The following MEIS1 variants were observed in gnomAD, a reference collection of about 807,000 sequenced individuals.
The protein encoded by MEIS1 is Meis homeobox 1, also known as homeobox protein Meis1.
A neutral mutation model predicts 50.8 loss-of-function variants in MEIS1; 5 were observed. That is an observed-to-expected ratio of 0.10 (90% CI 0.05 to 0.21). The LOEUF is 0.21. MEIS1 is among the 10% of genes least tolerant of loss of function. The pLI, the probability that MEIS1 is intolerant of heterozygous loss-of-function variation, is 1.00. For missense variants in MEIS1, 318 were observed against 517.3 expected (o/e 0.61, Z 3.74); for synonymous variants, 176 against 179.3 (o/e 0.98, Z 0.15).
chr2:66,567,324 G>C (rs974846445), intron 9 of MEIS1, 129 bp from the exon 10 acceptor site: 12 of 906,840 alleles, frequency 1.3e-5, no homozygotes, highest in Non-Finnish European at 1.9e-5. Flanking sequence ...TAGAGCAATG[G>C]AGAGAACTGA....
At chr2:66,442,337 C>G (rs1280167173) in intron 5 of MEIS1, among the ~76,000 whole-genome samples, 2 of 148,104 alleles carry the variant, frequency 1.4e-5, no homozygotes, top group African/African-American at 5.0e-5. Context: ...TTTCCCATAT[C>G]AGGAGTACTG....
At chr2:66,541,106 C>A (rs1452897877) in intron 8 of MEIS1, among the ~76,000 whole-genome samples, 1 of 151,722 alleles carries the variant, frequency 6.6e-6, no homozygotes, top group Non-Finnish European at 1.5e-5. Flanking sequence ...GGCGCAATCT[C>A]GGCTCATTGC....
At chr2:66,499,469 G>A (rs2103825714) in intron 7 of MEIS1, among the ~76,000 whole-genome samples, 1 of 152,076 alleles carries the variant, frequency 6.6e-6, no homozygotes, top group East Asian at 1.9e-4. Flanking sequence ...CTCTCAGGCT[G>A]CCCTTCCTGC....
In MEIS1 at chr2:66,491,094, A is replaced by T. The variant is rs905991127; in HGVS notation, c.743-21055A>T. On this transcript the variant is annotated intron_variant, in intron 7 of 12. Coordinates refer to ENST00000272369, the MANE Select transcript of MEIS1 (RefSeq NM_002398.3). ...GGAAGCCAACCAATGGAAAAAAAAA[A>T]GAGAATAAAACAGGCCTAGTCCAAT... Among the ~76,000 whole-genome samples, 3 of 79,110 alleles carry T rather than the reference A, an allele frequency of 3.8e-5. No individual in the cohort carries two copies. In the African/African-American group the frequency reaches 5.1e-4, roughly 13 times the overall value. The allele number at this position is 79,110 out of a possible 152,430, so 51.9% of individuals were successfully genotyped here. A position where few individuals can be genotyped will look rare whatever the true frequency, so the allele number is the denominator to read the frequency against.
intron 9 of MEIS1, among the ~76,000 whole-genome samples, chr2:66,550,044 G>A (rs1248533201): frequency 6.6e-6 from 1 of 152,128 alleles, no homozygotes; most frequent in African/African-American, 2.4e-5. Flanking sequence ...TAACCAGAAG[G>A]GAGAGAAAGG....
At chr2:66,459,481 T>C (rs146169371) in intron 6 of MEIS1, among the ~76,000 whole-genome samples, 1 of 152,272 alleles carries the variant, frequency 6.6e-6, no homozygotes, top group African/African-American at 2.4e-5. Context: ...CTGTGATTGA[T>C]AGTCAGGATG....
At chr2:66,474,907 AAAATGTATATTTTTAAG>A (rs1219586239) in intron 7 of MEIS1, among the ~76,000 whole-genome samples, 1 of 152,100 alleles carries the variant, frequency 6.6e-6, no homozygotes, top group African/African-American at 2.4e-5. Flanking sequence ...ACATTTTTAA[AAAATGTATATTTTTAAG>A]AAAAAGAGAA....
At chr2:66,440,482 T>C in intron 3 of MEIS1, 80 bp from the exon 4 acceptor site, 1 of 1,281,512 alleles carries the variant, frequency 7.8e-7, no homozygotes, top group Non-Finnish European at 1.1e-6. Flanking sequence ...GGCAAGAAAC[T>C]AGGAAGGCGA....
chr2:66,488,596 T>C (rs971967495), intron 7 of MEIS1, among the ~76,000 whole-genome samples: 12 of 152,102 alleles, frequency 7.9e-5, no homozygotes, highest in Non-Finnish European at 1.3e-4. Context: ...GAGAATGGCA[T>C]GAACCCGGGA....
Position 66,521,471 on chromosome 2 carries a change from C to T in MEIS1, c.888+9177C>T, listed in dbSNP as rs1674120378. Among the ~76,000 whole-genome samples the T allele has an allele frequency of 1.3e-5, 2 of 152,038 alleles. 1 individual carries two copies. Among genetic ancestry groups the T allele is most frequent in the South Asian group, 4.1e-4 (2 of 4,832 alleles). ...GCAGCCCCGATTACTCTTGAAACTA[C>T]AATCCAACTGTCGTTTCTCAGCAAA... is the stretch of plus-strand genomic sequence containing the variant. On this transcript the variant is annotated intron_variant, in intron 8 of 12. Coordinates refer to ENST00000272369, the MANE Select transcript of MEIS1 (RefSeq NM_002398.3).
intron 7 of MEIS1, among the ~76,000 whole-genome samples, chr2:66,497,998 G>GTCCCCCAC (rs1673451089): frequency 6.6e-6 from 1 of 150,590 alleles, no homozygotes; most frequent in African/African-American, 2.4e-5. Flanking sequence ...GGGCTGTGGG[G>GTCCCCCAC]GAAGAAAAAG....
At chr2:66,524,434 T>C (rs1223319829) in intron 8 of MEIS1, among the ~76,000 whole-genome samples, 1 of 152,028 alleles carries the variant, frequency 6.6e-6, no homozygotes, top group South Asian at 2.1e-4. Context: ...TGGTGGCTAA[T>C]GCCTGTAGTC....
At chr2:66,503,378 T>C (rs904008392) in intron 7 of MEIS1, among the ~76,000 whole-genome samples, 1 of 152,170 alleles carries the variant, frequency 6.6e-6, no homozygotes, top group African/African-American at 2.4e-5. Flanking sequence ...TGGCCTGGAA[T>C]GCTCGCCTCT....
At chr2:66,564,374 T>C (rs1187229772) in intron 9 of MEIS1, among the ~76,000 whole-genome samples, 1 of 152,150 alleles carries the variant, frequency 6.6e-6, no homozygotes, top group Non-Finnish European at 1.5e-5. Flanking sequence ...TGGTATTTTT[T>C]GTGTGTATTT....
intron 6 of MEIS1, among the ~76,000 whole-genome samples, chr2:66,445,460 C>T (rs1672109472): frequency 6.6e-6 from 1 of 152,218 alleles, no homozygotes; most frequent in Admixed American, 6.5e-5. Context: ...CCTGTCCCTC[C>T]GGGGCGCTGA....
chr2:66,480,970 A>G (rs1324565431), intron 7 of MEIS1, among the ~76,000 whole-genome samples: 1 of 152,128 alleles, frequency 6.6e-6, no homozygotes, highest in African/African-American at 2.4e-5. Flanking sequence ...CTTCCCTGCA[A>G]CAGAAAGACT....
intron 8 of MEIS1, among the ~76,000 whole-genome samples, chr2:66,525,179 C>T (rs1674218803): frequency 6.6e-6 from 1 of 152,186 alleles, no homozygotes; most frequent in South Asian, 2.1e-4. Flanking sequence ...CTCCACTGCA[C>T]TCCATCCTGG....
intron 2 of MEIS1, among the ~76,000 whole-genome samples, 187 bp downstream of exon 2, chr2:66,438,150 A>C (rs1419700461): frequency 6.6e-6 from 1 of 151,822 alleles, no homozygotes; most frequent in Non-Finnish European, 1.5e-5. Flanking sequence ...CCCCATACAC[A>C]CTCTGTGCAC....
At chr2:66,440,049 A>C in intron 3 of MEIS1, 65 bp downstream of exon 3, 34 of 1,078,424 alleles carry the variant, frequency 3.2e-5, no homozygotes, top group Middle Eastern at 3.3e-4. Context: ...GCCAACACAC[A>C]CGCGCGCGCG....
Sources: gnomAD v4.1 joint callset for allele counts (sites outside exome capture counted in the v4.1 genomes callset) on GRCh38, gnomAD v4.1.1 for gene constraint, MANE v1.5 for transcripts, NCBI Gene and HGNC (gene_info 2026-07-23, HGNC 2026-07-21) for gene names.